The following GDPD5 variants were observed in gnomAD, a reference collection of about 807,000 sequenced individuals.
GDPD5 encodes glycerophosphodiester phosphodiesterase domain containing 5, also known as glycerophosphodiester phosphodiesterase 2.
GDPD5 carries 48 observed loss-of-function variants against 75.1 expected under a neutral mutation model. The ratio of observed to expected loss-of-function variants is 0.64; its 90% CI spans 0.51 to 0.81. The LOEUF (loss-of-function observed/expected upper bound fraction) is 0.81, where lower values mean the gene tolerates loss of function less well. GDPD5 is among the 40% of genes least tolerant of loss of function. GDPD5 has a pLI of 0.00. For synonymous variants in GDPD5, 336 were observed against 339.0 expected (o/e 0.99, Z 0.10); for missense variants, 706 against 822.6 (o/e 0.86, Z 1.73).
chr11:75,519,471 G>A (rs759115096), intron 1 of GDPD5, among the ~76,000 whole-genome samples: 19 of 152,150 alleles, frequency 1.2e-4, no homozygotes, highest in Non-Finnish European at 1.9e-4. Context: ...CATTCCAAAC[G>A]CCTTTCCTGA....
chr11:75,520,751 T>A (rs940353407), intron 1 of GDPD5, among the ~76,000 whole-genome samples: 4 of 152,200 alleles, frequency 2.6e-5, no homozygotes, highest in Non-Finnish European at 4.4e-5. Flanking sequence ...TGGTGCCCAG[T>A]GTGTGTTTGC....
intron 1 of GDPD5, among the ~76,000 whole-genome samples, chr11:75,501,302 C>A (rs745331985): frequency 6.6e-6 from 1 of 152,186 alleles, no homozygotes; most frequent in Non-Finnish European, 1.5e-5. Flanking sequence ...ACCATGGGGG[C>A]CCTGAGAGAG....
At chr11:75,460,601 C>T (rs997436083) in intron 4 of GDPD5, among the ~76,000 whole-genome samples, 1 of 152,128 alleles carries the variant, frequency 6.6e-6, no homozygotes, top group East Asian at 1.9e-4. Context: ...TATGCCACCA[C>T]ACCTGGCTAA....
At chr11:75,512,165 A>G (rs920502432) in intron 1 of GDPD5, among the ~76,000 whole-genome samples, 9 of 152,194 alleles carry the variant, frequency 5.9e-5, no homozygotes, top group African/African-American at 1.7e-4. Context: ...AGTGTGACAC[A>G]GGCTCACCAA....
intron 9 of GDPD5, among the ~76,000 whole-genome samples, chr11:75,445,651 T>C (rs1948967656): frequency 6.6e-6 from 1 of 152,180 alleles, no homozygotes; most frequent in African/African-American, 2.4e-5. Flanking sequence ...GCTGATCTCA[T>C]TCATTCCCAC....
chr11:75,487,228 G>C (rs1482535764), intron 2 of GDPD5, among the ~76,000 whole-genome samples: 2 of 152,266 alleles, frequency 1.3e-5, no homozygotes, highest in African/African-American at 4.8e-5. Context: ...TGAATGGAGA[G>C]ATCCCCGGCT....
At chr11:75,441,342 C>T (rs764623624) in intron 13 of GDPD5, 32 bp from the exon 14 acceptor site, 43 of 1,612,560 alleles carry the variant, frequency 2.7e-5, no homozygotes, top group East Asian at 2.2e-4. Flanking sequence ...GGTCAGCATG[C>T]GGACCCTGGC....
intron 1 of GDPD5, among the ~76,000 whole-genome samples, chr11:75,519,301 G>A (rs1950707347): frequency 6.6e-6 from 1 of 152,138 alleles, no homozygotes; most frequent in Non-Finnish European, 1.5e-5. Context: ...ACCACCTCCA[G>A]GAAGGCTTCC....
At chr11:75,521,298 C>T (rs1048566922) in intron 1 of GDPD5, among the ~76,000 whole-genome samples, 3 of 152,224 alleles carry the variant, frequency 2.0e-5, no homozygotes, top group African/African-American at 4.8e-5. Flanking sequence ...AGGCTTTTTA[C>T]ACACAAAGTA....
intron 1 of GDPD5, chr11:75,506,550 C>T (rs1015181034): frequency 5.9e-5 from 9 of 152,358 alleles, no homozygotes; most frequent in African/African-American, 2.2e-4. Context: ...TCCCAGCTGT[C>T]CATTAGCACT....
chr11:75,450,363 C>T (rs1949109283), intron 6 of GDPD5: 1 of 287,304 alleles, frequency 3.5e-6, no homozygotes, highest in Non-Finnish European at 6.7e-6. Flanking sequence ...CCTGCCACCT[C>T]AGCATGGCAC....
intron 3 of GDPD5, 101 bp from the exon 4 acceptor site, chr11:75,462,990 A>T: frequency 1.1e-6 from 1 of 912,274 alleles, no homozygotes; most frequent in Non-Finnish European, 1.7e-6. Context: ...TTGTAGCCAA[A>T]CCTGCCAGGC....
intron 12 of GDPD5, 27 bp downstream of exon 12, chr11:75,442,336 G>C: frequency 6.6e-7 from 1 of 1,516,518 alleles, no homozygotes; most frequent in Non-Finnish European, 8.9e-7. Flanking sequence ...GGGCTCCCGG[G>C]GGCAGAGCTG....
chr11:75,436,107 G>C (rs530840129), intron 16 of GDPD5, among the ~76,000 whole-genome samples: 2 of 152,280 alleles, frequency 1.3e-5, no homozygotes, highest in South Asian at 4.1e-4. Context: ...CTTCTGCCCT[G>C]GCCATATTCT....
chr11:75,522,772 C>T (rs1025672426), intron 1 of GDPD5, among the ~76,000 whole-genome samples: 2 of 152,064 alleles, frequency 1.3e-5, no homozygotes, highest in Non-Finnish European at 2.9e-5. Flanking sequence ...AGCCTGCCCC[C>T]AGCTGAGGGG....
At chr11:75,455,125 C>T (rs1949257179) in intron 6 of GDPD5, 2 of 346,716 alleles carry the variant, frequency 5.8e-6, no homozygotes, top group Non-Finnish European at 1.1e-5. Flanking sequence ...GATCTGCTTC[C>T]TTGCATTGAT....
rs530912238 is a variant in GDPD5 at position 75,522,946 on chromosome 11, G to A, written c.-145+2264C>T. On this transcript the variant is annotated intron_variant, in intron 1 of 16. Transcript: ENST00000336898. ...TGTCCCCAAGCAGACTGATTCTAGA[G>A]GCTATGAGACTAGGGGAGTGTGACC... Among the ~76,000 whole-genome samples the A allele has an allele frequency of 3.9e-5, 6 of 152,146 alleles. No homozygotes were observed. The South Asian group carries it at 1.2e-3, about 32-fold the overall frequency.
At chr11:75,480,198 G>C (rs1949877187) in intron 2 of GDPD5, among the ~76,000 whole-genome samples, 1 of 152,090 alleles carries the variant, frequency 6.6e-6, no homozygotes, top group African/African-American at 2.4e-5. Flanking sequence ...AGCTGGGCAT[G>C]GTGGTGGGCA....
chr11:75,477,596 G>C, intron 3 of GDPD5, 23 bp downstream of exon 3: 1 of 1,494,206 alleles, frequency 6.7e-7, no homozygotes, highest in Non-Finnish European at 9.1e-7. Context: ...GGGTCCCTCT[G>C]ACCCTGTTCC....
Sources: gnomAD v4.1 joint callset for allele counts (sites outside exome capture counted in the v4.1 genomes callset) on GRCh38, gnomAD v4.1.1 for gene constraint, MANE v1.5 for transcripts, NCBI Gene and HGNC (gene_info 2026-07-23, HGNC 2026-07-21) for gene names.